The following GAS7 variants were observed in gnomAD, a reference collection of about 807,000 sequenced individuals.
GAS7 encodes growth arrest specific 7.
A neutral mutation model predicts 71.1 loss-of-function variants in GAS7; 28 were observed. The ratio of observed to expected loss-of-function variants is 0.39; its 90% CI spans 0.29 to 0.54. The LOEUF (loss-of-function observed/expected upper bound fraction) is 0.54, where lower values mean the gene tolerates loss of function less well. GAS7 is among the 20% of genes least tolerant of loss of function. GAS7 has a pLI of 0.62. For synonymous variants in GAS7, 258 were observed against 245.8 expected (o/e 1.05, Z -0.46); for missense variants, 436 against 627.8 (o/e 0.69, Z 3.27).
intron 1 of GAS7, among the ~76,000 whole-genome samples, chr17:10,081,164 T>C (rs1351336550): frequency 6.6e-6 from 1 of 152,244 alleles, no homozygotes; most frequent in Non-Finnish European, 1.5e-5. Context: ...AAGAGTTTTT[T>C]TTTTCTTGAG....
At position 9,917,043 on chromosome 17, in the gene GAS7, T is replaced by C. The variant is rs556757136; in HGVS notation, c.*185A>G. On this transcript the variant is annotated 3_prime_UTR_variant, in exon 14 of 14. Transcript: ENST00000432992. ...AGGGCAGGGCTGTGGGTCTGTCTTCTGGGCCTGGGAATATGGGGGAGCCCC... is the reference window on the plus strand; with the variant it reads ...AGGGCAGGGCTGTGGGTCTGTCTTCCGGGCCTGGGAATATGGGGGAGCCCC... 2 of 601,800 alleles carry C rather than the reference T, an allele frequency of 3.3e-6. No homozygotes were observed. Among genetic ancestry groups the C allele is most frequent in the Admixed American group, 5.8e-5 (2 of 34,332 alleles). 37.3% of individuals were successfully genotyped at this position (601,800 alleles called of 1,614,324 possible).
chr17:10,013,809 T>TCTC (rs1331321781), intron 2 of GAS7, among the ~76,000 whole-genome samples: 1 of 152,290 alleles, frequency 6.6e-6, no homozygotes, highest in East Asian at 1.9e-4. Flanking sequence ...GACATTACCT[T>TCTC]CTCCTGGATT....
Position 9,981,121 on chromosome 17 carries a change from G to A in GAS7, c.385+683C>T, listed in dbSNP as rs760778952. ...AGCCTGGCCAACATGGCGAAATCCC[G>A]TCTCTACTAAAAATACACAAATTAG... On this transcript the variant is annotated intron_variant, in intron 3 of 13. Coordinates refer to ENST00000432992, the MANE Select transcript of GAS7 (RefSeq NM_201433.2). This position sits in a 1 kb window ranked among gnomAD's most constrained non-coding sequence, Gnocchi z 4.4. Among the ~76,000 whole-genome samples, 32 of 152,180 alleles carry A rather than the reference G, an allele frequency of 2.1e-4. No homozygotes were observed. Among genetic ancestry groups the A allele is most frequent in the Non-Finnish European group, 4.0e-4 (27 of 68,008 alleles).
intron 1 of GAS7, among the ~76,000 whole-genome samples, chr17:10,162,641 T>G (rs1398337813): frequency 6.6e-6 from 1 of 152,256 alleles, no homozygotes; most frequent in African/African-American, 2.4e-5. Flanking sequence ...CAGCCACATC[T>G]GATCAGTCCA....
intron 1 of GAS7, among the ~76,000 whole-genome samples, chr17:10,146,953 C>T (rs2074126012): frequency 2.3e-5 from 2 of 87,486 alleles, no homozygotes; most frequent in Admixed American, 1.1e-4. Context: ...AGCGAGACTC[C>T]GTCTCATAAA....
chr17:10,142,732 G>C (rs1267687678), intron 1 of GAS7, among the ~76,000 whole-genome samples: 2 of 152,178 alleles, frequency 1.3e-5, no homozygotes, highest in Non-Finnish European at 2.9e-5. Flanking sequence ...AAAAGATTCT[G>C]AGGTATCCCC....
intron 1 of GAS7, among the ~76,000 whole-genome samples, chr17:10,188,997 T>C (rs1333703799): frequency 6.6e-6 from 1 of 152,224 alleles, no homozygotes; most frequent in Non-Finnish European, 1.5e-5. Flanking sequence ...ATTCTTATAC[T>C]GATATGTTCC....
rs2069409663 is a variant in GAS7 at position 9,959,852 on chromosome 17, T to C, written c.472-597A>G. Among the ~76,000 whole-genome samples, 1 of 152,124 alleles carries C rather than the reference T, an allele frequency of 6.6e-6. No individual in the cohort carries two copies. The highest frequency in any genetic ancestry group is 1.5e-5 in the Non-Finnish European group (1 of 68,026). On this transcript the variant is annotated intron_variant, in intron 4 of 13. Transcript: ENST00000432992. This position sits in a 1 kb window ranked among gnomAD's most constrained non-coding sequence, Gnocchi z 5.0. Reference sequence around the variant, plus strand: ...AGTCTTTATATTGCCTTTTGATGTCTTCCACCGCCAGTAAGAAAACCAGAG... The same window carrying C: ...AGTCTTTATATTGCCTTTTGATGTCCTCCACCGCCAGTAAGAAAACCAGAG...
intron 1 of GAS7, among the ~76,000 whole-genome samples, chr17:10,021,662 G>A (rs772307712): frequency 1.3e-5 from 2 of 152,138 alleles, no homozygotes; most frequent in Non-Finnish European, 2.9e-5. Context: ...GGATCAACAC[G>A]GTGTGGCATC....
At position 9,940,207 on chromosome 17, in the gene GAS7, A is replaced by T. The variant is rs1232562936; in HGVS notation, c.732-7T>A. ...GTCTTCTTCAATCTTTATCCTGCAA[A>T]GAGAGAAAACCCAACACACATCAGC... On this transcript the variant is annotated splice_polypyrimidine_tract_variant and splice_region_variant and intron_variant, in intron 7 of 13. Coordinates refer to ENST00000432992, the MANE Select transcript of GAS7 (RefSeq NM_201433.2). The T allele has an allele frequency of 6.2e-7, 1 of 1,611,098 alleles. No homozygotes were observed. Among genetic ancestry groups the T allele is most frequent in the South Asian group, 1.1e-5 (1 of 91,016 alleles).
At chr17:9,986,460 A>G (rs2070652702) in intron 2 of GAS7, among the ~76,000 whole-genome samples, 1 of 152,112 alleles carries the variant, frequency 6.6e-6, no homozygotes, top group Admixed American at 6.6e-5. Context: ...CCAAAATAAC[A>G]TCTGGACTAT....
chr17:10,180,106 C>T (rs2074402884), intron 1 of GAS7, among the ~76,000 whole-genome samples: 1 of 152,020 alleles, frequency 6.6e-6, no homozygotes, highest in African/African-American at 2.4e-5. Flanking sequence ...TCTGGGAGGC[C>T]AAGGCAGGTG....
Position 10,181,041 on chromosome 17 carries a change from G to C in GAS7, c.183+17167C>G, listed in dbSNP as rs559948049. Among the ~76,000 whole-genome samples, 9 of 145,808 alleles carry C rather than the reference G, an allele frequency of 6.2e-5. No homozygotes were observed. In the South Asian group the frequency reaches 2.0e-3, roughly 33 times the overall value. ...GTTAAGGGGTCTAGAATAAGGATGA[G>C]GGTGGCGGGGGGTGGGGGGTGGCAG... On this transcript the variant is annotated intron_variant, in intron 1 of 13. Transcript: ENST00000432992.
intron 1 of GAS7, among the ~76,000 whole-genome samples, chr17:10,102,282 G>A (rs1360614310): frequency 2.0e-5 from 3 of 150,532 alleles, no homozygotes; most frequent in Non-Finnish European, 3.0e-5. Context: ...ATTCAGAGGG[G>A]AGCACAAGGT....
intron 1 of GAS7, among the ~76,000 whole-genome samples, chr17:10,055,188 G>T (rs572488934): frequency 1.3e-5 from 2 of 152,294 alleles, no homozygotes; most frequent in African/African-American, 4.8e-5. Flanking sequence ...CAGCCATCAT[G>T]GTGAGCAGAG....
intron 1 of GAS7, among the ~76,000 whole-genome samples, chr17:10,078,731 G>T (rs1049550325): frequency 1.3e-5 from 2 of 152,082 alleles, no homozygotes; most frequent in African/African-American, 4.8e-5. Flanking sequence ...TAGGTAGGGG[G>T]ATATACAACA....
intron 7 of GAS7, among the ~76,000 whole-genome samples, chr17:9,941,867 C>T (rs1160013651): frequency 6.6e-6 from 1 of 152,130 alleles, no homozygotes; most frequent in Non-Finnish European, 1.5e-5. Context: ...CTGAACACAT[C>T]CGATCTCATA....
chr17:10,133,372 C>T (rs2142089244), intron 1 of GAS7, among the ~76,000 whole-genome samples: 1 of 152,206 alleles, frequency 6.6e-6, no homozygotes, highest in Non-Finnish European at 1.5e-5. Context: ...ATCTGCCTGC[C>T]TCGGCCTCCC....
chr17:9,943,315 G>A, intron 6 of GAS7, 79 bp from the exon 7 acceptor site: 2 of 810,990 alleles, frequency 2.5e-6, no homozygotes, highest in Non-Finnish European at 4.3e-6. Flanking sequence ...AGGGAGGACG[G>A]CTCCTAGATG....
Sources: gnomAD v4.1 joint callset for allele counts (sites outside exome capture counted in the v4.1 genomes callset) on GRCh38, gnomAD v4.1.1 for gene constraint, Gnocchi (gnomAD v3.1) non-coding constraint, MANE v1.5 for transcripts, NCBI Gene and HGNC (gene_info 2026-07-23, HGNC 2026-07-21) for gene names.